IL1RAPL1: variants seen among roughly 807,000 people sequenced by gnomAD.
IL1RAPL1 encodes interleukin 1 receptor accessory protein like 1.
Under a neutral mutation model 48.4 loss-of-function variants are expected in IL1RAPL1, and 3 were observed. The observed-to-expected ratio is 0.06, with a 90% CI of 0.03 to 0.16. The LOEUF is 0.16. Ranked by LOEUF, IL1RAPL1 falls within the 10% of genes least tolerant of loss-of-function variation. The pLI is 1.00. For missense variants in IL1RAPL1, 349 were observed against 530.6 expected (o/e 0.66, Z 3.36); for synonymous variants, 185 against 187.7 (o/e 0.99, Z 0.12).
intron 5 of IL1RAPL1, among the ~76,000 whole-genome samples, chrX:29,667,790 T>C (rs940261290): frequency 2.7e-5 from 3 of 112,134 alleles, no homozygotes; most frequent in African/African-American, 9.7e-5. Context: ...AAATTAGCAA[T>C]AAACACTATA....
chrX:29,825,171 A>C (rs771297881), intron 6 of IL1RAPL1, among the ~76,000 whole-genome samples: 1 of 110,924 alleles, frequency 9.0e-6, no homozygotes, highest in African/African-American at 3.3e-5. Context: ...CAGGACTATC[A>C]ACATTAGTGA....
chrX:29,402,388 TATTGCAGCACTTACCTC>T (rs1025618412), intron 5 of IL1RAPL1, among the ~76,000 whole-genome samples: 3 of 111,837 alleles, frequency 2.7e-5, no homozygotes, highest in African/African-American at 6.5e-5. Context: ...TTAGCATCTC[TATTGCAGCACTTACCTC>T]ATTGCATCAA....
intron 1 of IL1RAPL1, among the ~76,000 whole-genome samples, chrX:28,615,022 G>T (rs1347210490): frequency 1.8e-5 from 2 of 109,638 alleles, no homozygotes; most frequent in Non-Finnish European, 3.8e-5. Flanking sequence ...CGGAGTAGCT[G>T]GGACTACAGG....
chrX:28,842,761 G>C (rs1374687756), intron 2 of IL1RAPL1, among the ~76,000 whole-genome samples: 3 of 111,576 alleles, frequency 2.7e-5, no homozygotes, highest in Non-Finnish European at 5.7e-5. Context: ...TATTTATTTG[G>C]TGGTAATGAA....
intron 5 of IL1RAPL1, among the ~76,000 whole-genome samples, chrX:29,534,991 G>A (rs756068281): frequency 4.7e-5 from 5 of 106,809 alleles, no homozygotes; most frequent in Non-Finnish European, 5.8e-5. Flanking sequence ...GAAATTAACC[G>A]AGTGTGGTGG....
intron 1 of IL1RAPL1, among the ~76,000 whole-genome samples, chrX:28,676,857 C>T (rs1450201715): frequency 4.5e-5 from 5 of 111,136 alleles, no homozygotes; most frequent in African/African-American, 1.6e-4. Context: ...AAATCCTGAC[C>T]CCAATTCTTT....
chrX:29,254,972 A>G (rs1931729021), intron 2 of IL1RAPL1, among the ~76,000 whole-genome samples: 1 of 111,558 alleles, frequency 9.0e-6, no homozygotes, highest in Admixed American at 9.5e-5. Context: ...TTTTTTCTTA[A>G]AATGAATTTG....
At chrX:28,805,385 C>A (rs1221482290) in intron 2 of IL1RAPL1, among the ~76,000 whole-genome samples, 3 of 111,051 alleles carry the variant, frequency 2.7e-5, no homozygotes, top group African/African-American at 9.8e-5. Context: ...AATGATGTAT[C>A]TTTTGCAGTG....
At chrX:29,099,642 TAC>T (rs972168409) in intron 2 of IL1RAPL1, among the ~76,000 whole-genome samples, 8 of 111,718 alleles carry the variant, frequency 7.2e-5, no homozygotes, top group Non-Finnish European at 1.5e-4. Context: ...GTCGATAATG[TAC>T]AGTTTAGTTC....
intron 1 of IL1RAPL1, among the ~76,000 whole-genome samples, chrX:28,661,716 A>G (rs1243456314): frequency 1.8e-5 from 2 of 112,027 alleles, no homozygotes; most frequent in African/African-American, 6.5e-5. Context: ...AGTTGATAAG[A>G]AAAACCAATT....
At chrX:29,804,250 A>T (rs1300875430) in intron 6 of IL1RAPL1, among the ~76,000 whole-genome samples, 7 of 111,627 alleles carry the variant, frequency 6.3e-5, no homozygotes, top group Admixed American at 9.6e-5. Flanking sequence ...TTCTGGCGTG[A>T]TCTGCTATAG....
intron 8 of IL1RAPL1, among the ~76,000 whole-genome samples, chrX:29,933,678 G>C (rs867603975): frequency 9.3e-6 from 1 of 107,171 alleles, no homozygotes; most frequent in Non-Finnish European, 1.9e-5. Flanking sequence ...AAAAAAGAGA[G>C]AGAAGACAAA....
intron 9 of IL1RAPL1, among the ~76,000 whole-genome samples, chrX:29,944,577 TCTC>T (rs1193810632): frequency 8.9e-6 from 1 of 112,218 alleles, no homozygotes; most frequent in Non-Finnish European, 1.9e-5. Flanking sequence ...TAACCTTGCT[TCTC>T]CAAGATTACT....
At chrX:28,597,544 C>T (rs978423717) in intron 1 of IL1RAPL1, among the ~76,000 whole-genome samples, 8 of 110,768 alleles carry the variant, frequency 7.2e-5, no homozygotes, top group Non-Finnish European at 1.1e-4. Context: ...CCAGCCTGAC[C>T]AGCATGGTGA....
chrX:28,839,432 C>A (rs1195538005), intron 2 of IL1RAPL1, among the ~76,000 whole-genome samples: 1 of 110,214 alleles, frequency 9.1e-6, no homozygotes, highest in African/African-American at 3.3e-5. Context: ...TTTAGATGGA[C>A]TTTAAAATAT....
chrX:29,473,767 C>T (rs1023767126), intron 5 of IL1RAPL1, among the ~76,000 whole-genome samples: 1 of 110,778 alleles, frequency 9.0e-6, no homozygotes, highest in South Asian at 3.8e-4. Flanking sequence ...TATCTTGCTT[C>T]GTAATTGTAC....
At chrX:29,365,357 A>G (rs1464978798) in intron 3 of IL1RAPL1, among the ~76,000 whole-genome samples, 1 of 112,407 alleles carries the variant, frequency 8.9e-6, no homozygotes, top group African/African-American at 3.2e-5. Flanking sequence ...AAGATTTCCT[A>G]TAGCCAAATA....
At chrX:28,793,702 G>C (rs1036227187) in intron 2 of IL1RAPL1, among the ~76,000 whole-genome samples, 1 of 111,442 alleles carries the variant, frequency 9.0e-6, no homozygotes, top group Non-Finnish European at 1.9e-5. Flanking sequence ...GACAAAGTAT[G>C]ACTATAGCAC....
chrX:29,088,635 A>T (rs1439453234), intron 2 of IL1RAPL1, among the ~76,000 whole-genome samples: 1 of 96,167 alleles, frequency 1.0e-5, no homozygotes, highest in Non-Finnish European at 2.0e-5. Context: ...GACATGCGCC[A>T]TTGTACTCCA....
Sources: allele counts gnomAD v4.1 joint callset (sites outside exome capture counted in the v4.1 genomes callset), GRCh38; gene constraint gnomAD v4.1.1; transcripts MANE v1.5; gene names NCBI Gene and HGNC (gene_info 2026-07-23, HGNC 2026-07-21).